Variants in ARHGAP26 observed in about 807,000 individuals in gnomAD.
ARHGAP26 encodes the protein rho GTPase-activating protein 26.
A neutral mutation model predicts 104.8 loss-of-function variants in ARHGAP26; 38 were observed. The ratio of observed to expected loss-of-function variants is 0.36; its 90% confidence interval spans 0.28 to 0.48. The LOEUF (loss-of-function observed/expected upper bound fraction) is 0.48. Among genes scored for constraint, ARHGAP26 ranks in the 20% least tolerant of loss-of-function variants. ARHGAP26 has a pLI of 0.99. For missense variants in ARHGAP26, 704 were observed against 947.9 expected (o/e 0.74, Z 3.38); for synonymous variants, 341 against 340.0 (o/e 1.00, Z -0.03).
chr5:143,133,390 A>G (rs1458880815), intron 18 of ARHGAP26, among the ~76,000 whole-genome samples: 6 of 152,194 alleles, frequency 3.9e-5, no homozygotes, highest in African/African-American at 1.4e-4. Context: ...ATAAACGAGG[A>G]AAAGCTCAGC....
At chr5:143,205,466 T>C (rs997847361) in intron 20 of ARHGAP26, among the ~76,000 whole-genome samples, 2 of 152,218 alleles carry the variant, frequency 1.3e-5, no homozygotes, top group South Asian at 2.1e-4. Flanking sequence ...TTGAGTCTTA[T>C]TGTGATTCTC....
chr5:142,902,213 G>C (rs1261221925), intron 7 of ARHGAP26, among the ~76,000 whole-genome samples, 174 bp downstream of exon 7: 1 of 152,148 alleles, frequency 6.6e-6, no homozygotes, highest in East Asian at 1.9e-4. Flanking sequence ...GTGGTTCTGA[G>C]TTAGACCATC....
chr5:142,831,258 A>G (rs1415817218), intron 1 of ARHGAP26, among the ~76,000 whole-genome samples: 1 of 152,148 alleles, frequency 6.6e-6, no homozygotes, highest in East Asian at 1.9e-4. Flanking sequence ...TGCCTCGTTC[A>G]GGTGCTGAAC....
At chr5:142,900,754 AAC>A (rs1760211597) in intron 6 of ARHGAP26, among the ~76,000 whole-genome samples, 1 of 152,138 alleles carries the variant, frequency 6.6e-6, no homozygotes, top group Non-Finnish European at 1.5e-5. Context: ...AGTAATGTTT[AAC>A]AGGTTAAAAA....
chr5:143,111,773 A>T (rs765419433), intron 17 of ARHGAP26, among the ~76,000 whole-genome samples: 1 of 152,206 alleles, frequency 6.6e-6, no homozygotes, highest in Non-Finnish European at 1.5e-5. Context: ...AGACCTCGTA[A>T]ATATTTTTTT....
chr5:142,922,101 T>C (rs1045203375), intron 10 of ARHGAP26: 1 of 152,226 alleles, frequency 6.6e-6, no homozygotes, highest in African/African-American at 2.4e-5. Context: ...TAACCTGTTG[T>C]TGATACATGC....
intron 3 of ARHGAP26, 91 bp from the exon 4 acceptor site, chr5:142,879,283 C>A: frequency 8.6e-7 from 1 of 1,163,548 alleles, no homozygotes; most frequent in Non-Finnish European, 1.3e-6. Flanking sequence ...TATTTTAAGA[C>A]ATGGGGAGGC....
intron 20 of ARHGAP26, among the ~76,000 whole-genome samples, chr5:143,181,553 C>G (rs1804378635): frequency 6.6e-6 from 1 of 152,220 alleles, no homozygotes; most frequent in South Asian, 2.1e-4. Context: ...GGTTATTTGT[C>G]TCATTCTCTG....
chr5:143,221,770 G>T lies in ARHGAP26; in HGVS notation c.2192-588G>T, dbSNP rs144793233. On this transcript the variant is annotated intron_variant, in intron 22 of 22. Transcript: ENST00000645722. The stretch of plus-strand genomic sequence containing the variant: ...ACTCCTGGGCTAAAGCAATTCACCT[G>T]CCTCAGCCTCCCAAGGTACTGGCAT... Among the ~76,000 whole-genome samples, 728 of 152,282 alleles carry T rather than the reference G, an allele frequency of 4.8e-3. 3 individuals are homozygous for T. Among genetic ancestry groups the T allele is most frequent in the African/African-American group, 0.014 (597 of 41,548 alleles).
intron 11 of ARHGAP26, among the ~76,000 whole-genome samples, chr5:142,970,561 A>G (rs1384799360): frequency 6.6e-6 from 1 of 152,168 alleles, no homozygotes; most frequent in Non-Finnish European, 1.5e-5. Flanking sequence ...TATTGTTCCA[A>G]TAGAAGTCTT....
chr5:143,038,511 G>A (rs1230980690), intron 13 of ARHGAP26, among the ~76,000 whole-genome samples: 1 of 152,030 alleles, frequency 6.6e-6, no homozygotes, highest in Non-Finnish European at 1.5e-5. Flanking sequence ...AGGAAATAAG[G>A]ATATGGGCCA....
intron 3 of ARHGAP26, among the ~76,000 whole-genome samples, chr5:142,876,594 A>G (rs1756130578): frequency 6.6e-6 from 1 of 151,786 alleles, no homozygotes; most frequent in African/African-American, 2.4e-5. Flanking sequence ...TGGAGGCAAC[A>G]TAGTGAGACC....
intron 1 of ARHGAP26, among the ~76,000 whole-genome samples, chr5:142,823,831 C>T (rs1766685505): frequency 1.3e-5 from 2 of 152,190 alleles, no homozygotes; most frequent in Admixed American, 6.5e-5. Flanking sequence ...CCTTAGGCTA[C>T]TTCTGTCTAC....
At chr5:143,147,875 T>C (rs1188534378) in intron 20 of ARHGAP26, among the ~76,000 whole-genome samples, 1 of 152,236 alleles carries the variant, frequency 6.6e-6, no homozygotes, top group Admixed American at 6.5e-5. Flanking sequence ...AGCATGACTA[T>C]GACTTCTTGA....
rs80017270 is a variant in ARHGAP26, at chr5:143,073,490, T to C, written c.1538+15743T>C. ...ATGTATTAATATATTAAGTAATTGC[T>C]ATGGAAAAGGCACTGACTTATCTAT... On this transcript the variant is annotated intron_variant, in intron 17 of 22. Coordinates refer to ENST00000645722, the MANE Select transcript of ARHGAP26 (RefSeq NM_001135608.3). Among the ~76,000 whole-genome samples, 181 of 152,336 alleles carry C rather than the reference T, an allele frequency of 1.2e-3. 1 individual carries two copies. The highest frequency in any genetic ancestry group is 4.1e-3 in the African/African-American group (172 of 41,584).
At chr5:143,215,489 T>G (rs1441338451) in intron 22 of ARHGAP26, among the ~76,000 whole-genome samples, 1 of 151,656 alleles carries the variant, frequency 6.6e-6, no homozygotes, top group Non-Finnish European at 1.5e-5. Context: ...CAACATACAA[T>G]TTACCCATTT....
chr5:142,773,987 G>A (rs769328913), intron 1 of ARHGAP26, among the ~76,000 whole-genome samples: 2 of 152,154 alleles, frequency 1.3e-5, no homozygotes, highest in Non-Finnish European at 2.9e-5. Flanking sequence ...CAATACATAA[G>A]CGCTTCTTGA....
intron 20 of ARHGAP26, among the ~76,000 whole-genome samples, chr5:143,158,671 G>C (rs1298913154): frequency 6.6e-6 from 1 of 152,134 alleles, no homozygotes; most frequent in African/African-American, 2.4e-5. Flanking sequence ...GGAAGCAGTG[G>C]AGTTCTCACT....
chr5:142,771,756 C>T (rs1275673115), intron 1 of ARHGAP26, among the ~76,000 whole-genome samples: 1 of 152,196 alleles, frequency 6.6e-6, no homozygotes, highest in East Asian at 1.9e-4. Context: ...ATTCTTGGAC[C>T]TTTTGTAAAA....
Sources: allele counts gnomAD v4.1 joint callset (sites outside exome capture counted in the v4.1 genomes callset), GRCh38; gene constraint gnomAD v4.1.1; transcripts MANE v1.5; gene names NCBI Gene and HGNC (gene_info 2026-07-23, HGNC 2026-07-21).